The following FBLN2 variants were observed in gnomAD, a reference collection of about 807,000 sequenced individuals.
FBLN2 encodes fibulin 2.
In FBLN2, 81 loss-of-function variants were observed where a neutral mutation model predicts 123.7. The observed-to-expected ratio is 0.65, with a 90% CI of 0.55 to 0.79. FBLN2 has a LOEUF of 0.79. Ranked by LOEUF, FBLN2 falls within the 30% of genes least tolerant of loss-of-function variation. FBLN2 has a pLI of 0.00. For synonymous variants in FBLN2, 699 were observed against 701.4 expected, an observed-to-expected ratio of 1.00 and a Z score of 0.05; for missense variants, 1,603 against 1,681.3, an observed-to-expected ratio of 0.95 and a Z score of 0.81.
chr3:13,555,078 G>A lies in FBLN2; in HGVS notation c.-42+5870G>A, dbSNP rs182942666. The stretch of plus-strand genomic sequence containing the variant: ...AGTGATTTTCCTGCCTCAGCCTCCC[G>A]AGTAGCTGGGACTACAGGTGCGTGC... On this transcript the variant is annotated intron_variant, in intron 1 of 17. Coordinates refer to ENST00000404922, the MANE Select transcript of FBLN2 (RefSeq NM_001004019.2). 7.1e-3 allele frequency among the ~76,000 whole-genome samples: 1,073 copies of A among 151,318 alleles called. 18 individuals carry two copies. The highest frequency in any genetic ancestry group is 0.025 in the African/African-American group (1,021 of 41,188).
chr3:13,558,100 A>C (rs1192903366), intron 1 of FBLN2, among the ~76,000 whole-genome samples: 1 of 152,232 alleles, frequency 6.6e-6, no homozygotes, highest in Non-Finnish European at 1.5e-5. Context: ...GGGCACAGCA[A>C]AGGCCTGAGG....
At chr3:13,607,413 C>T (rs1038145021) in intron 2 of FBLN2, among the ~76,000 whole-genome samples, 2 of 152,190 alleles carry the variant, frequency 1.3e-5, no homozygotes, top group East Asian at 3.8e-4. Context: ...TCACTGTCTT[C>T]AGGCTGAGTA....
chr3:13,613,921 C>A (rs2276746), intron 4 of FBLN2, 63 bp from the exon 5 acceptor site: 75,718 of 1,540,222 alleles, frequency 0.049, 2,120 homozygotes, highest in East Asian at 0.1. Context: ...ATCAGTCCCT[C>A]CCCTGAGCCT....
At chr3:13,635,412 C>T (rs1422257974) in intron 16 of FBLN2, among the ~76,000 whole-genome samples, 1 of 151,976 alleles carries the variant, frequency 6.6e-6, no homozygotes, top group Non-Finnish European at 1.5e-5. Context: ...ACACACACCC[C>T]TACCCCACCC....
chr3:13,586,804 C>T (rs868659649), intron 2 of FBLN2, among the ~76,000 whole-genome samples: 28 of 150,732 alleles, frequency 1.9e-4, no homozygotes, highest in African/African-American at 5.8e-4. Flanking sequence ...CCACCTCACC[C>T]GGCCTATGTC....
intron 9 of FBLN2, among the ~76,000 whole-genome samples, chr3:13,623,639 T>A (rs1705930147): frequency 6.6e-6 from 1 of 152,238 alleles, no homozygotes; most frequent in African/African-American, 2.4e-5. Flanking sequence ...GCAGGTGAGA[T>A]GCGAGGCTTA....
intron 7 of FBLN2, among the ~76,000 whole-genome samples, 171 bp downstream of exon 7, chr3:13,619,188 G>C (rs1400219559): frequency 6.6e-6 from 1 of 152,200 alleles, no homozygotes; most frequent in African/African-American, 2.4e-5. Flanking sequence ...GTGAGGAGCT[G>C]AGGAAGTCAC....
At chr3:13,600,559 A>T (rs1241735521) in intron 2 of FBLN2, among the ~76,000 whole-genome samples, 2 of 151,786 alleles carry the variant, frequency 1.3e-5, no homozygotes, top group East Asian at 3.9e-4. Context: ...TCAGGCCTGG[A>T]GAAGGGAGAG....
intron 3 of FBLN2, among the ~76,000 whole-genome samples, chr3:13,608,775 G>T (rs898902350): frequency 1.3e-5 from 2 of 152,160 alleles, no homozygotes; most frequent in East Asian, 1.9e-4. Context: ...AAATAAGAAA[G>T]ATTAAGTTCA....
intron 4 of FBLN2, 50 bp downstream of exon 4, chr3:13,609,692 G>GGGGGGGGT: frequency 1.2e-5 from 6 of 508,390 alleles, no homozygotes; most frequent in Non-Finnish European, 2.3e-5. Context: ...GGCGGGGCGG[G>GGGGGGGGT]AGGCTGGCCT....
intron 3 of FBLN2, among the ~76,000 whole-genome samples, chr3:13,609,252 G>C (rs1189245064): frequency 6.6e-6 from 1 of 152,216 alleles, no homozygotes; most frequent in Admixed American, 6.5e-5. Context: ...TGTGGGGGTG[G>C]GGACTCTGAT....
chr3:13,619,187 T>G (rs1339503401), intron 7 of FBLN2, among the ~76,000 whole-genome samples, 170 bp downstream of exon 7: 1 of 152,156 alleles, frequency 6.6e-6, no homozygotes, highest in African/African-American at 2.4e-5. Context: ...AGTGAGGAGC[T>G]GAGGAAGTCA....
chr3:13,570,177 G>C (rs1703883251), intron 1 of FBLN2, 138 bp from the exon 2 acceptor site: 1 of 877,544 alleles, frequency 1.1e-6, no homozygotes, highest in South Asian at 2.1e-5. Context: ...GTGTGAGGCA[G>C]TGCTTAGTGT....
intron 2 of FBLN2, among the ~76,000 whole-genome samples, chr3:13,574,975 A>G (rs2124831277): frequency 6.6e-6 from 1 of 152,286 alleles, no homozygotes; most frequent in South Asian, 2.1e-4. Context: ...TAGACTCTAA[A>G]CGAGGGCGAG....
intron 9 of FBLN2, 105 bp downstream of exon 9, chr3:13,622,020 G>T: frequency 7.5e-7 from 1 of 1,335,928 alleles, no homozygotes. Context: ...CCCTTTGCAT[G>T]TGAGCTCTCA....
rs1706458995 is a variant in FBLN2 at position 13,636,176 on chromosome 3, G to A, written c.3215-269G>A. 2.0e-5 allele frequency among the ~76,000 whole-genome samples: 3 copies of A among 152,324 alleles called. No individual in the cohort carries two copies. The South Asian group carries it at 6.2e-4, about 32-fold the overall frequency. On this transcript the variant is annotated intron_variant, in intron 16 of 17. Transcript: ENST00000404922. ...AGGCCAGAGAGCCTTGCACTGTGTGGCTTGGCATCCAGGGGAGGGAGCTGG... is the reference window on the plus strand; with the variant it reads ...AGGCCAGAGAGCCTTGCACTGTGTGACTTGGCATCCAGGGGAGGGAGCTGG...
At position 13,571,378 on chromosome 3, in the gene FBLN2, C is replaced by T; in HGVS notation, c.1023C>T (p.Ile341=). 1.9e-6 allele frequency: 3 copies of T among 1,612,854 alleles called. No individual in the cohort carries two copies. Among genetic ancestry groups the T allele is most frequent in the Non-Finnish European group, 2.5e-6 (3 of 1,179,550 alleles). Residue 341 remains isoleucine, a synonymous_variant, in exon 2 of 18, where the codon ATC becomes ATT. Transcript: ENST00000404922. The part of the protein sequence containing the change: ...EAGARPEENL[I]LDAQATSRST... Reference sequence around the variant, plus strand: ...GGGCAAGGCCTGAAGAGAACCTCATCCTGGATGCCCAAGCCACGTCCCGCA... The same window carrying T: ...GGGCAAGGCCTGAAGAGAACCTCATTCTGGATGCCCAAGCCACGTCCCGCA...
intron 2 of FBLN2, among the ~76,000 whole-genome samples, chr3:13,580,009 G>C (rs1704271798): frequency 1.3e-5 from 2 of 152,234 alleles, no homozygotes; most frequent in Non-Finnish European, 2.9e-5. Flanking sequence ...TAGTTTTCCT[G>C]CTCTTAAACT....
At position 13,578,879 on chromosome 3, in the gene FBLN2, AC is replaced by A. The variant is rs79420883; in HGVS notation, c.1306+7222del. Reference sequence around the variant, plus strand: ...AGACCAGCCTGACCAACATGGAGAAACCCCGTTTCTACTAAAAATAAAAAAA... The same window carrying A: ...AGACCAGCCTGACCAACATGGAGAAACCCGTTTCTACTAAAAATAAAAAAA... On this transcript the variant is annotated intron_variant, in intron 2 of 17. Coordinates refer to ENST00000404922, the MANE Select transcript of FBLN2 (RefSeq NM_001004019.2). Among the ~76,000 whole-genome samples the A allele has an allele frequency of 0.011, 1,674 of 151,668 alleles. 161 individuals carry two copies. In the East Asian group the frequency reaches 0.23, roughly 21 times the overall value.
Sources: allele counts gnomAD v4.1 joint callset (sites outside exome capture counted in the v4.1 genomes callset), GRCh38; gene constraint gnomAD v4.1.1; transcripts MANE v1.5; gene names NCBI Gene and HGNC (gene_info 2026-07-23, HGNC 2026-07-21).